Variants in LRRC71 observed in about 807,000 individuals in gnomAD.
The protein encoded by LRRC71 is leucine rich repeat containing 71.
LRRC71 carries 54 observed loss-of-function variants against 66.6 expected under a neutral mutation model. The observed-to-expected ratio is 0.81, with a 90% confidence interval of 0.65 to 1.02. The LOEUF is 1.02. Ranked by LOEUF, LRRC71 falls within the 50% of genes least tolerant of loss-of-function variation. The probability of loss-of-function intolerance (pLI) is 0.00; values close to 1 mark genes in which losing one functional copy is unlikely to be tolerated. For synonymous variants in LRRC71, 323 were observed against 303.9 expected, an observed-to-expected ratio of 1.06 and a Z score of -0.65; for missense variants, 724 against 718.0, an observed-to-expected ratio of 1.01 and a Z score of -0.10.
downstream of LRRC71, chr1:156,936,065 G>C (rs373134538): frequency 1.1e-5 from 18 of 1,614,020 alleles, no homozygotes; most frequent in African/African-American, 2.3e-4. Context: ...GAGCCTGTGG[G>C]AGGAGGATGA....
the LRRC71 span, chr1:156,939,612 G>A: frequency 6.2e-7 from 1 of 1,613,364 alleles, no homozygotes; most frequent in South Asian, 1.1e-5. Flanking sequence ...CCAGATTCCT[G>A]TCCAGTTCTG....
At chr1:156,928,834 G>A (rs1354519684) in intron 9 of LRRC71, among the ~76,000 whole-genome samples, 1 of 152,044 alleles carries the variant, frequency 6.6e-6, no homozygotes, top group African/African-American at 2.4e-5. Flanking sequence ...GCCTCCTAAA[G>A]TATTGGGATT....
rs1168695009 is a variant in LRRC71 at position 156,929,150 on chromosome 1, G to T, written c.997-130G>T. 4 of 1,071,966 alleles carry T rather than the reference G, an allele frequency of 3.7e-6. No homozygotes were observed. The East Asian group carries it at 7.8e-5, about 21-fold the overall frequency. The allele number at this position is 1,071,966 out of a possible 1,614,324, so 66.4% of individuals were successfully genotyped here. On this transcript the variant is annotated intron_variant, in intron 9 of 14. Transcript: ENST00000337428. ...CCTATACAAATTATTTTAGCATTTA[G>T]GCAGGGAGGTGGGTGGGAGGGTGCT...
At chr1:156,938,590 A>G in the LRRC71 span, 1 of 1,431,972 alleles carries the variant, frequency 7.0e-7, no homozygotes, top group South Asian at 1.2e-5. Context: ...AACAGGAAGG[A>G]GAGAGGGCAG....
intron 1 of LRRC71, among the ~76,000 whole-genome samples, chr1:156,922,500 T>G (rs1652544175): frequency 2.0e-5 from 3 of 152,158 alleles, no homozygotes; most frequent in Non-Finnish European, 1.5e-5. Flanking sequence ...AAATCCTATC[T>G]AATGGCTTTT....
downstream of LRRC71, chr1:156,936,748 T>C (rs1655449148): frequency 6.6e-7 from 1 of 1,523,004 alleles, no homozygotes; most frequent in Non-Finnish European, 8.9e-7. Flanking sequence ...TGCTTAGTGA[T>C]GTGTCCTCAC....
Position 156,922,622 on chromosome 1 carries a change from C to G in LRRC71, c.161-1327C>G, listed in dbSNP as rs112895171. Among the ~76,000 whole-genome samples the G allele has an allele frequency of 2.6e-3, 391 of 152,250 alleles. 1 individual carries two copies. Among genetic ancestry groups the G allele is most frequent in the African/African-American group, 8.7e-3 (361 of 41,534 alleles). ...AACTATCTGCTAAAGTGCAGAGAGC[C>G]CATTTCCATCCAGGCATGAAGTACT... On this transcript the variant is annotated intron_variant, in intron 1 of 14. Coordinates refer to ENST00000337428, the MANE Select transcript of LRRC71 (RefSeq NM_144702.3).
intron 11 of LRRC71, 55 bp downstream of exon 11, chr1:156,929,784 CG>C (rs1307086928): frequency 1.6e-5 from 23 of 1,455,818 alleles, no homozygotes; most frequent in East Asian, 9.9e-5. Context: ...GGAAGAGTGC[CG>C]GGCCGGGTGC....
chr1:156,927,448 GC>G (rs1419284261), intron 6 of LRRC71, 47 bp from the exon 7 acceptor site: 2 of 1,518,866 alleles, frequency 1.3e-6, no homozygotes, highest in African/African-American at 1.4e-5. Flanking sequence ...TCCGGCGGAC[GC>G]CCTGTACCTT....
intron 12 of LRRC71, among the ~76,000 whole-genome samples, chr1:156,931,502 G>GCT (rs1654361640): frequency 6.6e-6 from 1 of 152,040 alleles, no homozygotes; most frequent in Non-Finnish European, 1.5e-5. Context: ...TCTCCTCATT[G>GCT]CTCTAGGTGT....
chr1:156,926,814 A>T (rs1653279770), intron 5 of LRRC71, among the ~76,000 whole-genome samples: 1 of 152,088 alleles, frequency 6.6e-6, no homozygotes, highest in Non-Finnish European at 1.5e-5. Flanking sequence ...GAGCTCAGGC[A>T]ATCTGCCCGC....
downstream of LRRC71, chr1:156,937,286 G>C: frequency 1.2e-6 from 2 of 1,613,988 alleles, no homozygotes; most frequent in Non-Finnish European, 1.7e-6. Context: ...CTGCTCAATG[G>C]TATGGAAGAT....
chr1:156,932,136 T>C, intron 13 of LRRC71, 109 bp downstream of exon 13: 2 of 886,032 alleles, frequency 2.3e-6, no homozygotes, highest in African/African-American at 1.7e-5. Context: ...CTCCCATCTT[T>C]GGGCTACATG....
chr1:156,929,586 C>A, intron 10 of LRRC71, 50 bp from the exon 11 acceptor site: 1 of 1,543,292 alleles, frequency 6.5e-7, no homozygotes, highest in South Asian at 1.2e-5. Context: ...CACCACTGCC[C>A]ATCCCCTCCG....
chr1:156,930,404 T>C, intron 11 of LRRC71, 125 bp from the exon 12 acceptor site: 1 of 744,976 alleles, frequency 1.3e-6, no homozygotes. Context: ...CCTCCAGCCA[T>C]TTCTATTGCA....
At chr1:156,921,913 C>G (rs891302139) in intron 1 of LRRC71, among the ~76,000 whole-genome samples, 1 of 152,070 alleles carries the variant, frequency 6.6e-6, no homozygotes, top group Non-Finnish European at 1.5e-5. Context: ...CAGAGAAACA[C>G]TTTTGAGGTA....
downstream of LRRC71, among the ~76,000 whole-genome samples, chr1:156,933,450 G>A (rs184456581): frequency 6.6e-5 from 10 of 152,334 alleles, no homozygotes; most frequent in South Asian, 2.1e-4. Context: ...CTCCATGCCC[G>A]CTCCCTTCTG....
downstream of LRRC71, among the ~76,000 whole-genome samples, chr1:156,936,480 G>GAA (rs35863393): frequency 1.7e-3 from 80 of 48,004 alleles, no homozygotes; most frequent in East Asian, 3.1e-3. Context: ...CAAATAAATA[G>GAA]AAAAAAAAAA....
At chr1:156,936,967 A>G (rs1304315059), downstream of LRRC71, 3 of 1,613,754 alleles carry the variant, frequency 1.9e-6, no homozygotes, top group African/African-American at 4.0e-5. Flanking sequence ...ACTCTCCCCC[A>G]AGGGACTTGA....
Sources: gnomAD v4.1 joint callset for allele counts (sites outside exome capture counted in the v4.1 genomes callset) on GRCh38, gnomAD v4.1.1 for gene constraint, MANE v1.5 for transcripts, NCBI Gene and HGNC (gene_info 2026-07-23, HGNC 2026-07-21) for gene names.